The following DAB1 variants were observed in gnomAD, a reference collection of about 807,000 sequenced individuals.
The protein encoded by DAB1 is disabled homolog 1.
DAB1 carries 15 observed loss-of-function variants against 64.6 expected under a neutral mutation model. The observed-to-expected ratio is 0.23, with a 90% CI of 0.16 to 0.36. The LOEUF (loss-of-function observed/expected upper bound fraction) is 0.36. Ranked by LOEUF, DAB1 falls within the 10% of genes least tolerant of loss-of-function variation. The pLI, the probability that DAB1 is intolerant of heterozygous loss-of-function variation, is 1.00. For missense variants in DAB1, 596 were observed against 706.7 expected (o/e 0.84, Z 1.78); for synonymous variants, 235 against 251.9 (o/e 0.93, Z 0.64).
At chr1:57,981,260 T>A (rs1189429814) in intron 5 of DAB1, among the ~76,000 whole-genome samples, 1 of 151,858 alleles carries the variant, frequency 6.6e-6, no homozygotes, top group African/African-American at 2.4e-5. Flanking sequence ...AGGATATAAC[T>A]CACAGTCTAA....
chr1:57,881,438 A>AATTAGCC (rs1237671027), intron 1 of DAB1, among the ~76,000 whole-genome samples: 47 of 152,362 alleles, frequency 3.1e-4, no homozygotes, highest in Admixed American at 3.1e-3. Flanking sequence ...AGAAGGAAAG[A>AATTAGCC]ATTAGCCAGG....
intron 3 of DAB1, among the ~76,000 whole-genome samples, chr1:58,395,275 G>A (rs1232118734): frequency 6.6e-6 from 1 of 152,054 alleles, no homozygotes; most frequent in African/African-American, 2.4e-5. Context: ...AAAGACCAAG[G>A]ATAATGTTTG....
intron 1 of DAB1, among the ~76,000 whole-genome samples, chr1:57,863,861 G>A (rs1182666745): frequency 6.6e-6 from 1 of 152,176 alleles, no homozygotes; most frequent in Non-Finnish European, 1.5e-5. Context: ...TAGCTCACAT[G>A]TGATACAATC....
At position 57,062,887 on chromosome 1, in the gene DAB1, T is replaced by C. The variant is rs757314152; in HGVS notation, c.720A>G (p.Val240=). 1.2e-6 allele frequency: 2 copies of C among 1,613,716 alleles called. No individual in the cohort carries two copies. The highest frequency in any genetic ancestry group is 2.2e-5 in the South Asian group (2 of 91,070). Residue 240 remains valine, a synonymous_variant, in exon 9 of 15, where the codon GTA becomes GTG. Coordinates refer to ENST00000371236, the MANE Select transcript of DAB1 (RefSeq NM_001365792.1). ...AGTGGAGAGGAGATGTACTTACACTTACAGGTTGACTTTTTGGCACATCAT... is the reference window on the plus strand; with the variant it reads ...AGTGGAGAGGAGATGTACTTACACTCACAGGTTGACTTTTTGGCACATCAT... The part of the protein sequence containing the change: ...GVYDVPKSQP[V]SAVTQLELFG...
At chr1:57,365,609 A>G (rs1475446014) in intron 1 of DAB1, among the ~76,000 whole-genome samples, 2 of 152,086 alleles carry the variant, frequency 1.3e-5, no homozygotes, top group Non-Finnish European at 2.9e-5. Flanking sequence ...TTCAGTGTGC[A>G]GATGAGGTTC....
At chr1:58,045,591 T>G (rs1397554917) in intron 5 of DAB1, among the ~76,000 whole-genome samples, 1 of 151,918 alleles carries the variant, frequency 6.6e-6, no homozygotes, top group Admixed American at 6.6e-5. Context: ...ACCTGCCATT[T>G]TAAAAACTGT....
chr1:58,150,118 C>T (rs1337293975), intron 5 of DAB1, among the ~76,000 whole-genome samples: 3 of 152,168 alleles, frequency 2.0e-5, no homozygotes, highest in Non-Finnish European at 2.9e-5. Context: ...TTAGTATTCT[C>T]ATTGTACAGA....
chr1:58,457,328 C>T (rs1282735300), intron 3 of DAB1, among the ~76,000 whole-genome samples: 3 of 152,156 alleles, frequency 2.0e-5, no homozygotes, highest in Non-Finnish European at 2.9e-5. Context: ...TGCTCCCTCC[C>T]TCCCAAGGCT....
At chr1:58,033,584 A>G (rs1647001062) in intron 5 of DAB1, among the ~76,000 whole-genome samples, 1 of 152,244 alleles carries the variant, frequency 6.6e-6, no homozygotes, top group Non-Finnish European at 1.5e-5. Context: ...TATTTCTGAT[A>G]CAATACTACT....
intron 4 of DAB1, among the ~76,000 whole-genome samples, chr1:58,286,350 A>G (rs1284819106): frequency 1.3e-5 from 2 of 152,242 alleles, no homozygotes; most frequent in Non-Finnish European, 2.9e-5. Context: ...CTGCACAGCA[A>G]AAGAAACTAT....
chr1:58,046,790 TGCCATGTGCCA>T (rs2100517133), intron 5 of DAB1, among the ~76,000 whole-genome samples: 1 of 152,296 alleles, frequency 6.6e-6, no homozygotes, highest in South Asian at 2.1e-4. Context: ...ACAGAGCTCC[TGCCATGTGCCA>T]GCCACTGGTG....
intron 7 of DAB1, among the ~76,000 whole-genome samples, chr1:57,531,412 C>T (rs1019890872): frequency 6.6e-5 from 10 of 152,054 alleles, no homozygotes; most frequent in Non-Finnish European, 1.3e-4. Flanking sequence ...CCACCTGCAC[C>T]CAGGTGATTA....
rs572912256 is a variant in DAB1, at chr1:58,277,062, CAG to C, written n.309+66288_309+66289del. On this transcript the variant is annotated intron_variant and non_coding_transcript_variant, in intron 4 of 20. Transcript: ENST00000485760. ...CTTTTTTTTTTTTTTTTTTTTGAGA[CAG>C]AGTCTCGCTCTGTCACCCAGGCTGG... is the stretch of plus-strand genomic sequence containing the variant. 1.3e-3 allele frequency among the ~76,000 whole-genome samples: 140 copies of C among 107,736 alleles called. 6 individuals are homozygous for C. The East Asian group carries it at 0.04, about 31-fold the overall frequency. 70.7% of individuals were successfully genotyped at this position (107,736 alleles called of 152,430 possible). A position where few individuals can be genotyped will look rare whatever the true frequency, so the allele number is the denominator to read the frequency against.
At chr1:57,226,225 G>A (rs958806554) in intron 2 of DAB1, among the ~76,000 whole-genome samples, 6 of 152,290 alleles carry the variant, frequency 3.9e-5, no homozygotes, top group Middle Eastern at 3.4e-3. Context: ...CTTATCGCTA[G>A]CAGAGACCTC....
At chr1:58,015,116 T>G (rs1347598499) in intron 5 of DAB1, among the ~76,000 whole-genome samples, 1 of 152,316 alleles carries the variant, frequency 6.6e-6, no homozygotes, top group East Asian at 1.9e-4. Context: ...GCCTTAGCTA[T>G]GCCATCCTGA....
rs184353012 is a variant in DAB1, at chr1:58,281,534, C to G, written n.309+61818G>C. 2.2e-4 allele frequency among the ~76,000 whole-genome samples: 34 copies of G among 152,208 alleles called. No individual in the cohort carries two copies. The East Asian group carries it at 6.2e-3, about 28-fold the overall frequency. On this transcript the variant is annotated intron_variant and non_coding_transcript_variant, in intron 4 of 20. Transcript: ENST00000485760. ...CCTAGTATCCTTGCCTCCACTCCCC[C>G]TCCCTCCAATCCACTCTACCTCCTG...
At chr1:57,323,689 T>C (rs931057837) in intron 1 of DAB1, among the ~76,000 whole-genome samples, 1 of 152,172 alleles carries the variant, frequency 6.6e-6, no homozygotes, top group African/African-American at 2.4e-5. Flanking sequence ...ATAGTGTATG[T>C]TTATAAAATA....
chr1:57,122,413 C>T (rs1395772175), intron 4 of DAB1, among the ~76,000 whole-genome samples: 1 of 152,162 alleles, frequency 6.6e-6, no homozygotes, highest in African/African-American at 2.4e-5. Context: ...ATTTTACACC[C>T]TGTGGAATAT....
chr1:57,950,770 C>A (rs2100235179), intron 5 of DAB1, among the ~76,000 whole-genome samples: 1 of 152,238 alleles, frequency 6.6e-6, no homozygotes, highest in East Asian at 1.9e-4. Context: ...GAATCAAATC[C>A]TCTCTTTTAA....
Sources: gnomAD v4.1 joint callset for allele counts (sites outside exome capture counted in the v4.1 genomes callset) on GRCh38, gnomAD v4.1.1 for gene constraint, MANE v1.5 for transcripts, NCBI Gene and HGNC (gene_info 2026-07-23, HGNC 2026-07-21) for gene names.